The following PAX1 variants were observed in gnomAD, a reference collection of about 807,000 sequenced individuals.
PAX1 encodes paired box protein Pax-1.
PAX1 carries 18 observed loss-of-function variants against 35.6 expected under a neutral mutation model. The ratio of observed to expected loss-of-function variants is 0.50; its 90% CI spans 0.35 to 0.75. The LOEUF (loss-of-function observed/expected upper bound fraction) is 0.75. PAX1 is among the 30% of genes least tolerant of loss of function. The pLI is 0.01. For synonymous variants in PAX1, 397 were observed against 305.2 expected (o/e 1.30, Z -3.14); for missense variants, 760 against 661.5 (o/e 1.15, Z -1.63).
chr20:21,715,490 C>G lies in PAX1; in HGVS notation c.*928C>G, dbSNP rs764903882. ...CCCAGTGGCCGCCGGGCTTCTCTTC[C>G]CTTCTGAGATGATGTCACCCCAAAG... On this transcript the variant is annotated 3_prime_UTR_variant, in exon 5 of 5. Transcript: ENST00000613128. 1 of 152,612 alleles carries G rather than the reference C, an allele frequency of 6.6e-6. No homozygotes were observed. The highest frequency in any genetic ancestry group is 2.4e-5 in the African/African-American group (1 of 41,416). The allele number at this position is 152,612 out of a possible 1,614,324, so 9.5% of individuals were successfully genotyped here.
Position 21,715,462 on chromosome 20 carries a change from G to A in PAX1, c.*900G>A, listed in dbSNP as rs987717835. ...GTCTGGAAATCTGTTTTCTTTCTCA[G>A]AGCCCAGTGGCCGCCGGGCTTCTCT... is the stretch of plus-strand genomic sequence containing the variant. On this transcript the variant is annotated 3_prime_UTR_variant, in exon 5 of 5. Coordinates refer to ENST00000613128, the MANE Select transcript of PAX1 (RefSeq NM_001257096.2). 1 of 152,542 alleles carries A rather than the reference G, an allele frequency of 6.6e-6. No homozygotes were observed. The highest frequency in any genetic ancestry group is 1.5e-5 in the Non-Finnish European group (1 of 68,418). 9.4% of individuals were successfully genotyped at this position (152,542 alleles called of 1,614,324 possible).
Position 21,717,260 on chromosome 20 carries a change from C to A in PAX1, c.*2698C>A, listed in dbSNP as rs1985400207. 1 of 152,248 alleles carries A rather than the reference C, an allele frequency of 6.6e-6. No homozygotes were observed. Among genetic ancestry groups the A allele is most frequent in the Non-Finnish European group, 1.5e-5 (1 of 68,098 alleles). The allele number at this position is 152,248 out of a possible 1,614,324, so 9.4% of individuals were successfully genotyped here. A position where few individuals can be genotyped will look rare whatever the true frequency, so the allele number is the denominator to read the frequency against. ...TCATGTGGGGTGTGGAGGGACATAC[C>A]CCCTCTCTCGCGGCTGGGGGTCACG... On this transcript the variant is annotated 3_prime_UTR_variant, in exon 5 of 5. Transcript: ENST00000613128.
Position 21,706,850 on chromosome 20 carries a change from G to A in PAX1, c.699G>A (p.Pro233=), listed in dbSNP as rs897430369. 3 of 1,613,248 alleles carry A rather than the reference G, an allele frequency of 1.9e-6. No homozygotes were observed. The highest frequency in any genetic ancestry group is 2.5e-6 in the Non-Finnish European group (3 of 1,180,022). Residue 233 remains proline, a synonymous_variant, in exon 2 of 5, where the codon CCG becomes CCA. Coordinates refer to ENST00000613128, the MANE Select transcript of PAX1 (RefSeq NM_001257096.2). The surrounding 1 kb of genome is among the most constrained non-coding windows in gnomAD (Gnocchi z 5.3). ...TCGGCAGCCTGGCGCAGCCCGGACCGTACGAGGCAAGTAAGCAGCCGCCGT... is the reference window on the plus strand; with the variant it reads ...TCGGCAGCCTGGCGCAGCCCGGACCATACGAGGCAAGTAAGCAGCCGCCGT... The part of the protein sequence containing the change: ...NKIGSLAQPG[P]YEASKQPPSQ...
At position 21,705,727 on chromosome 20, in the gene PAX1, GGGCCTGGGGTCGCGGGCGTGGAGA is replaced by G; in HGVS notation, c.17_40del (p.Gly6_Arg13del). The G allele has an allele frequency of 1.6e-6, 2 of 1,248,284 alleles. No homozygotes were observed. The highest frequency in any genetic ancestry group is 2.0e-6 in the Non-Finnish European group (2 of 990,206). The allele number at this position is 1,248,284 out of a possible 1,614,324, so 77.3% of individuals were successfully genotyped here. On this transcript the variant is annotated inframe_deletion, in exon 1 of 5. Coordinates refer to ENST00000613128, the MANE Select transcript of PAX1 (RefSeq NM_001257096.2). ...CTCCCAATCGGATGAAGTTCACCCT[GGGCCTGGGGTCGCGGGCGTGGAGA>G]GTGTCCTGGGAGGGGGCAGCAGCGG... is the stretch of plus-strand genomic sequence containing the variant.
At chr20:21,709,560 A>G in intron 4 of PAX1, 116 bp downstream of exon 4, 1 of 739,202 alleles carries the variant, frequency 1.4e-6, no homozygotes, top group Non-Finnish European at 2.1e-6. Flanking sequence ...GGTCCTGGGC[A>G]TGAACCCTTC....
Position 21,715,047 on chromosome 20 carries a change from C to T in PAX1, c.*485C>T, listed in dbSNP as rs1985324852. The T allele has an allele frequency of 3.3e-6, 2 of 599,856 alleles. No individual in the cohort carries two copies. Among genetic ancestry groups the T allele is most frequent in the South Asian group, 4.0e-5 (2 of 50,172 alleles). The allele number at this position is 599,856 out of a possible 1,614,324, so 37.2% of individuals were successfully genotyped here. On this transcript the variant is annotated 3_prime_UTR_variant, in exon 5 of 5. Coordinates refer to ENST00000613128, the MANE Select transcript of PAX1 (RefSeq NM_001257096.2). ...CCCTTCCACTCTCTTTTCCTTGCTC[C>T]GACCTCTGCTCCAGTCCCGCTTCTT...
Position 21,706,043 on chromosome 20 carries a change from G to A in PAX1, c.286+45G>A, listed in dbSNP as rs1984979675. Reference sequence around the variant, plus strand: ...CAGGGCTCGGGAGGGCTGATGAGGTGGGTCGGGTCCGCCTGCCTCCCTTCC... The same window carrying A: ...CAGGGCTCGGGAGGGCTGATGAGGTAGGTCGGGTCCGCCTGCCTCCCTTCC... On this transcript the variant is annotated intron_variant, in intron 1 of 4. Transcript: ENST00000613128. The surrounding 1 kb of genome is among the most constrained non-coding windows in gnomAD (Gnocchi z 5.3). The A allele has an allele frequency of 1.4e-6, 2 of 1,416,182 alleles. No homozygotes were observed. Among genetic ancestry groups the A allele is most frequent in the Middle Eastern group, 2.6e-4 (1 of 3,916 alleles). 87.7% of individuals were successfully genotyped at this position (1,416,182 alleles called of 1,614,324 possible). A position where few individuals can be genotyped will look rare whatever the true frequency, so the allele number is the denominator to read the frequency against.
chr20:21,706,893 T>C lies in PAX1; in HGVS notation c.742T>C (p.Tyr248His), dbSNP rs769766560. 1 of 1,613,472 alleles carries C rather than the reference T, an allele frequency of 6.2e-7. No homozygotes were observed. The highest frequency in any genetic ancestry group is 8.5e-7 in the Non-Finnish European group (1 of 1,180,004). The change falls in exon 2 of 5, where the codon TAC (tyrosine) becomes CAC (histidine). Residue 248 changes from tyrosine to histidine, a missense_variant. Physicochemically the swap from Tyr to His is moderately conservative, Grantham distance 83. This residue lies in a region of PAX1 where 490 missense variants were observed against 428.4 expected (regional missense o/e 1.14). Coordinates refer to ENST00000613128, the MANE Select transcript of PAX1 (RefSeq NM_001257096.2). The surrounding 1 kb of genome is among the most constrained non-coding windows in gnomAD (Gnocchi z 5.3). The stretch of plus-strand genomic sequence containing the variant: ...GCCGCCGTCGCAGCCTACGCTGCCC[T>C]ACAACCACATCTACCAGTACCCCTA... ...KQPPSQPTLP[Y>H]NHIYQYPYPS...
chr20:21,706,584 G>A lies in PAX1; in HGVS notation c.433G>A (p.Gly145Ser). The A allele has an allele frequency of 6.2e-7, 1 of 1,612,238 alleles. No individual in the cohort carries two copies. Among genetic ancestry groups the A allele is most frequent in the Non-Finnish European group, 8.5e-7 (1 of 1,180,026 alleles). Residue 145 changes from glycine (G) to serine (S), a missense_variant, in exon 2 of 5, where the codon GGC (glycine) becomes AGC (serine). Gly to Ser is a moderately conservative substitution (Grantham distance 56). Around this residue, in one of 3 missense-constraint regions of PAX1, gnomAD observed 48 missense variants for 80.0 expected, o/e 0.60. Coordinates refer to ENST00000613128, the MANE Select transcript of PAX1 (RefSeq NM_001257096.2). This position sits in a 1 kb window ranked among gnomAD's most constrained non-coding sequence, Gnocchi z 5.3. ...CAGTCGGCAGCTCCGCGTATCCCAC[G>A]GCTGCGTGAGCAAGATCCTGGCGCG... is the stretch of plus-strand genomic sequence containing the variant. ...DISRQLRVSH[G>S]CVSKILARYN...
chr20:21,712,118 T>C (rs1273418090), intron 4 of PAX1, among the ~76,000 whole-genome samples: 1 of 152,154 alleles, frequency 6.6e-6, no homozygotes, highest in East Asian at 1.9e-4. Context: ...CACAGTGCAA[T>C]ATATATCAAT....
chr20:21,715,934 G>A lies in PAX1; in HGVS notation c.*1372G>A, dbSNP rs1600330837. 6.6e-6 allele frequency: 1 copy of A among 152,246 alleles called. No homozygotes were observed. Among genetic ancestry groups the A allele is most frequent in the Non-Finnish European group, 1.5e-5 (1 of 68,116 alleles). The allele number at this position is 152,246 out of a possible 1,614,324, so 9.4% of individuals were successfully genotyped here. A position where few individuals can be genotyped will look rare whatever the true frequency, so the allele number is the denominator to read the frequency against. On this transcript the variant is annotated 3_prime_UTR_variant, in exon 5 of 5. Coordinates refer to ENST00000613128, the MANE Select transcript of PAX1 (RefSeq NM_001257096.2). ...ATATCCCTGGCGAGAGCCTGACATC[G>A]CCTGTTAAAGGTGGCTGCCTCTGAA...
chr20:21,714,205 C>A (rs772077439), intron 4 of PAX1, among the ~76,000 whole-genome samples: 1 of 152,216 alleles, frequency 6.6e-6, no homozygotes, highest in Non-Finnish European at 1.5e-5. Context: ...TTGCACCTGG[C>A]CAGCGGTCAG....
chr20:21,709,296 G>A lies in PAX1; in HGVS notation c.1134G>A (p.Val378=), dbSNP rs1167014057. The A allele has an allele frequency of 6.2e-7, 1 of 1,603,532 alleles. No homozygotes were observed. The highest frequency in any genetic ancestry group is 1.3e-5 in the African/African-American group (1 of 74,994). ...CAYPASNQHG[V]YSAPGGGYLA... is the part of the protein sequence containing the mutation. ...ACCCGGCCTCCAACCAGCACGGCGT[G>A]TACAGCGCCCCGGGCGGCGGCTACC... Residue 378 remains valine, a synonymous_variant, in exon 4 of 5, where the codon GTG becomes GTA. Transcript: ENST00000613128.
At chr20:21,711,165 C>T (rs898364878) in intron 4 of PAX1, among the ~76,000 whole-genome samples, 2 of 152,126 alleles carry the variant, frequency 1.3e-5, no homozygotes, top group Non-Finnish European at 2.9e-5. Context: ...AATGTATAAC[C>T]ACAGATTTGA....
chr20:21,713,525 C>A (rs189235556), intron 4 of PAX1, among the ~76,000 whole-genome samples: 3 of 151,868 alleles, frequency 2.0e-5, no homozygotes, highest in African/African-American at 7.3e-5. Flanking sequence ...TACTTCAAAT[C>A]GAGGCGCTCC....
chr20:21,714,865 A>C lies in PAX1; in HGVS notation c.*303A>C. On this transcript the variant is annotated 3_prime_UTR_variant, in exon 5 of 5. Coordinates refer to ENST00000613128, the MANE Select transcript of PAX1 (RefSeq NM_001257096.2). ...GGCCTCCTTCGCTCTGCCAGCTTCA[A>C]ATTTCTTTTTTGTCACTCCCTTGTC... 1 of 1,414,694 alleles carries C rather than the reference A, an allele frequency of 7.1e-7. No individual in the cohort carries two copies. The highest frequency in any genetic ancestry group is 9.8e-7 in the Non-Finnish European group (1 of 1,015,292). The allele number at this position is 1,414,694 out of a possible 1,614,324, so 87.6% of individuals were successfully genotyped here.
chr20:21,715,470 T>C lies in PAX1; in HGVS notation c.*908T>C, dbSNP rs1985339879. Reference sequence around the variant, plus strand: ...ATCTGTTTTCTTTCTCAGAGCCCAGTGGCCGCCGGGCTTCTCTTCCCTTCT... The same window carrying C: ...ATCTGTTTTCTTTCTCAGAGCCCAGCGGCCGCCGGGCTTCTCTTCCCTTCT... On this transcript the variant is annotated 3_prime_UTR_variant, in exon 5 of 5. Transcript: ENST00000613128. 1 of 152,710 alleles carries C rather than the reference T, an allele frequency of 6.5e-6. No homozygotes were observed. Among genetic ancestry groups the C allele is most frequent in the South Asian group, 2.1e-4 (1 of 4,838 alleles). 9.5% of individuals were successfully genotyped at this position (152,710 alleles called of 1,614,324 possible). A position where few individuals can be genotyped will look rare whatever the true frequency, so the allele number is the denominator to read the frequency against.
Position 21,715,151 on chromosome 20 carries a change from G to A in PAX1, c.*589G>A. The stretch of plus-strand genomic sequence containing the variant: ...CATCCCTGTCGTTCCTTCTCTCTCT[G>A]TCTCTGGTTCTACTGTCAAGGGCCC... On this transcript the variant is annotated 3_prime_UTR_variant, in exon 5 of 5. Transcript: ENST00000613128. The A allele has an allele frequency of 2.6e-6, 1 of 379,596 alleles. No homozygotes were observed. Among genetic ancestry groups the A allele is most frequent in the South Asian group, 2.4e-5 (1 of 40,952 alleles). The allele number at this position is 379,596 out of a possible 1,614,324, so 23.5% of individuals were successfully genotyped here.
chr20:21,707,780 G>A (rs1985065286), intron 2 of PAX1, among the ~76,000 whole-genome samples: 1 of 152,142 alleles, frequency 6.6e-6, no homozygotes, highest in South Asian at 2.1e-4. Context: ...GCCAGGGGAT[G>A]GCACACTCTT....
Sources: gnomAD v4.1 joint callset for allele counts (sites outside exome capture counted in the v4.1 genomes callset) on GRCh38, gnomAD v4.1.1 for gene constraint, gnomAD v4.1.1 regional missense constraint, Gnocchi (gnomAD v3.1) non-coding constraint, MANE v1.5 for transcripts, NCBI Gene and HGNC (gene_info 2026-07-23, HGNC 2026-07-21) for gene names.